Variants in ENOX1 observed in about 807,000 individuals in gnomAD.
ENOX1 encodes ecto-NOX disulfide-thiol exchanger 1.
ENOX1 carries 42 observed loss-of-function variants against 82.5 expected under a neutral mutation model. The observed-to-expected ratio is 0.51, with a 90% CI of 0.40 to 0.66. ENOX1 has a LOEUF of 0.66. ENOX1 is among the 30% of genes least tolerant of loss of function. The probability of loss-of-function intolerance (pLI) is 0.00; values close to 1 mark genes in which losing one functional copy is unlikely to be tolerated. For synonymous variants in ENOX1, 271 were observed against 282.2 expected (o/e 0.96, Z 0.40); for missense variants, 608 against 811.6 (o/e 0.75, Z 3.05).
At chr13:43,368,556 T>G (rs2051004195) in intron 5 of ENOX1, among the ~76,000 whole-genome samples, 1 of 152,180 alleles carries the variant, frequency 6.6e-6, no homozygotes, top group Admixed American at 6.5e-5. Flanking sequence ...TCACTCACAC[T>G]GTGGGCCAGG....
chr13:43,631,450 T>G (rs1490368368), intron 2 of ENOX1, among the ~76,000 whole-genome samples: 1 of 152,202 alleles, frequency 6.6e-6, no homozygotes, highest in Non-Finnish European at 1.5e-5. Flanking sequence ...TCTTTCAGCT[T>G]GCACAAAGTG....
At chr13:43,250,371 G>A (rs1448577923) in intron 14 of ENOX1, among the ~76,000 whole-genome samples, 2 of 152,150 alleles carry the variant, frequency 1.3e-5, no homozygotes, top group African/African-American at 4.8e-5. Flanking sequence ...TCTCTTCATT[G>A]GGCATGTGCT....
At chr13:43,500,680 A>G (rs2076949889) in intron 2 of ENOX1, among the ~76,000 whole-genome samples, 1 of 152,026 alleles carries the variant, frequency 6.6e-6, no homozygotes, top group Non-Finnish European at 1.5e-5. Context: ...ACACAGACTA[A>G]TACATAACAA....
intron 16 of ENOX1, 70 bp from the exon 17 acceptor site, chr13:43,214,191 G>C (rs2041337731): frequency 2.0e-6 from 3 of 1,513,608 alleles, no homozygotes; most frequent in Non-Finnish European, 2.7e-6. Flanking sequence ...ATTGGGGAAG[G>C]ATGAGCTTTC....
At chr13:43,274,903 G>C (rs1275108057) in intron 12 of ENOX1, among the ~76,000 whole-genome samples, 1 of 152,170 alleles carries the variant, frequency 6.6e-6, no homozygotes, top group Non-Finnish European at 1.5e-5. Flanking sequence ...CAAATTCAAA[G>C]AGCATTACAA....
At chr13:43,265,367 G>GAAGAAC (rs1187434904) in intron 14 of ENOX1, 31 bp downstream of exon 14, 1 of 1,594,692 alleles carries the variant, frequency 6.3e-7, no homozygotes, top group African/African-American at 1.3e-5. Flanking sequence ...CGTCAAGCAA[G>GAAGAAC]AAGAACAAAT....
intron 5 of ENOX1, among the ~76,000 whole-genome samples, chr13:43,393,808 A>G (rs1278656013): frequency 2.0e-5 from 3 of 152,230 alleles, no homozygotes; most frequent in Non-Finnish European, 4.4e-5. Context: ...TGTCCCCTCC[A>G]AATCTCATGT....
intron 11 of ENOX1, among the ~76,000 whole-genome samples, chr13:43,318,196 A>T (rs2047619646): frequency 6.6e-6 from 1 of 152,222 alleles, no homozygotes. Flanking sequence ...TCTACTGAGC[A>T]AGGGACTTTT....
intron 2 of ENOX1, among the ~76,000 whole-genome samples, chr13:43,638,993 T>G (rs113196740): frequency 1.8e-3 from 281 of 152,302 alleles, no homozygotes; most frequent in African/African-American, 6.7e-3. Context: ...TATTAGTACT[T>G]TCACCACAAA....
At chr13:43,298,941 C>T (rs1165747358) in intron 11 of ENOX1, among the ~76,000 whole-genome samples, 3 of 152,196 alleles carry the variant, frequency 2.0e-5, no homozygotes, top group Admixed American at 2.0e-4. Context: ...TGGAGGGCTG[C>T]TTGCTTTCAA....
intron 1 of ENOX1, among the ~76,000 whole-genome samples, chr13:43,715,926 C>T (rs1464490039): frequency 6.6e-6 from 1 of 152,214 alleles, no homozygotes; most frequent in Non-Finnish European, 1.5e-5. Context: ...TTAAGGACTT[C>T]TCTGCATTGG....
intron 2 of ENOX1, among the ~76,000 whole-genome samples, chr13:43,513,572 C>T (rs2077450295): frequency 6.6e-6 from 1 of 152,100 alleles, no homozygotes; most frequent in African/African-American, 2.4e-5. Context: ...ACACAGACTT[C>T]TCCTTGTAAC....
chr13:43,344,705 A>T lies in ENOX1; in HGVS notation c.869T>A (p.Ile290Asn). The T allele has an allele frequency of 6.2e-7, 1 of 1,614,140 alleles. No homozygotes were observed. The highest frequency in any genetic ancestry group is 8.5e-7 in the Non-Finnish European group (1 of 1,180,026). ...GCGCCGATTCACTTCCCCTCGTTCA[A>T]TCCAGGAAAGCAGCACTGTGATAGC... ...SEAITVLLSW[I>N]ERGEVNRRSA... The change falls in exon 9 of 17, where the codon ATT (isoleucine) becomes AAT (asparagine). Residue 290 changes from isoleucine to asparagine, a missense_variant. Ile to Asn is a moderately radical substitution (Grantham distance 149). Transcript: ENST00000690772.
At chr13:43,372,551 G>A (rs2051312272) in intron 5 of ENOX1, among the ~76,000 whole-genome samples, 1 of 152,138 alleles carries the variant, frequency 6.6e-6, no homozygotes, top group African/African-American at 2.4e-5. Flanking sequence ...AACAGGGACA[G>A]GAGAGGACAT....
intron 8 of ENOX1, among the ~76,000 whole-genome samples, chr13:43,351,903 C>T (rs7995820): frequency 0.41 from 62,948 of 151,854 alleles, 13,479 homozygotes; most frequent in Middle Eastern, 0.54. Context: ...ATAAAACGGC[C>T]TATCTTGCCT....
In ENOX1 at chr13:43,764,652, T is replaced by C. The variant is rs181670612; in HGVS notation, c.-285+22000A>G. On this transcript the variant is annotated intron_variant, in intron 1 of 16. Coordinates refer to ENST00000690772, the MANE Select transcript of ENOX1 (RefSeq NM_001347969.2). ...CAGAAAAAAAAAACGGAAAGGTTTG[T>C]TCTTTACACCACATACAGTGTACAA... 5.9e-5 allele frequency among the ~76,000 whole-genome samples: 9 copies of C among 152,252 alleles called. No individual in the cohort carries two copies. The East Asian group carries it at 1.4e-3, about 23-fold the overall frequency.
intron 12 of ENOX1, among the ~76,000 whole-genome samples, chr13:43,295,817 T>A (rs1452812516): frequency 6.6e-6 from 1 of 152,194 alleles, no homozygotes; most frequent in Non-Finnish European, 1.5e-5. Flanking sequence ...TAGATCATGA[T>A]AGAAACAAGA....
At chr13:43,627,349 T>A (rs2083009511) in intron 2 of ENOX1, among the ~76,000 whole-genome samples, 1 of 152,030 alleles carries the variant, frequency 6.6e-6, no homozygotes, top group Non-Finnish European at 1.5e-5. Context: ...TTTTTTCTTG[T>A]GTTCCAAGTA....
At chr13:43,686,191 C>A (rs539662449) in intron 1 of ENOX1, among the ~76,000 whole-genome samples, 2 of 152,216 alleles carry the variant, frequency 1.3e-5, no homozygotes, top group South Asian at 4.2e-4. Flanking sequence ...CTCATTTAAT[C>A]CTCATGATAA....
Sources: gnomAD v4.1 joint callset for allele counts (sites outside exome capture counted in the v4.1 genomes callset) on GRCh38, gnomAD v4.1.1 for gene constraint, MANE v1.5 for transcripts, NCBI Gene and HGNC (gene_info 2026-07-23, HGNC 2026-07-21) for gene names.